DLGAP1: variants seen among roughly 807,000 people sequenced by gnomAD.
DLGAP1 encodes disks large-associated protein 1.
A neutral mutation model predicts 90.8 loss-of-function variants in DLGAP1; 11 were observed. The observed-to-expected ratio is 0.12, with a 90% confidence interval of 0.08 to 0.20. The LOEUF is 0.20. DLGAP1 is among the 10% of genes least tolerant of loss of function. DLGAP1 has a pLI of 1.00. For missense variants in DLGAP1, 1,050 were observed against 1,333.8 expected (o/e 0.79, Z 3.31); for synonymous variants, 558 against 540.7 (o/e 1.03, Z -0.44).
At chr18:4,014,850 C>T (rs1036262843) in intron 2 of DLGAP1, among the ~76,000 whole-genome samples, 1 of 152,172 alleles carries the variant, frequency 6.6e-6, no homozygotes, top group Non-Finnish European at 1.5e-5. Context: ...TGCAGAGGTT[C>T]TACCCCAACC....
rs534740351 is a variant in DLGAP1, at chr18:3,646,045, G to A, written c.1592-63797C>T. On this transcript the variant is annotated intron_variant, in intron 7 of 12. Transcript: ENST00000315677. ...CATTTGACGGTGGTAGTTTTCAAACGTCTTATTTTTAATGTGATGAGTATT... is the reference window on the plus strand; with the variant it reads ...CATTTGACGGTGGTAGTTTTCAAACATCTTATTTTTAATGTGATGAGTATT... 2.7e-4 allele frequency among the ~76,000 whole-genome samples: 41 copies of A among 152,194 alleles called. No individual in the cohort carries two copies. The South Asian group carries it at 7.5e-3, about 28-fold the overall frequency.
chr18:3,577,552 A>G (rs556437592), intron 8 of DLGAP1, among the ~76,000 whole-genome samples: 2 of 152,302 alleles, frequency 1.3e-5, no homozygotes, highest in South Asian at 4.1e-4. Flanking sequence ...CAGAAGACGC[A>G]TGGTAGTTAT....
intron 7 of DLGAP1, among the ~76,000 whole-genome samples, chr18:3,648,489 G>A (rs2059194668): frequency 6.6e-6 from 1 of 152,210 alleles, no homozygotes; most frequent in South Asian, 2.1e-4. Flanking sequence ...AGTGATTTCA[G>A]CAGTTGTCTA....
chr18:4,022,302 T>C lies in DLGAP1; in HGVS notation c.-158-17101A>G, dbSNP rs2074624471. 2.6e-5 allele frequency among the ~76,000 whole-genome samples: 4 copies of C among 151,056 alleles called. No homozygotes were observed. The South Asian group carries it at 8.3e-4, about 31-fold the overall frequency. ...TTTGGTTTTACTTTGTTCTCTATTA[T>C]CTTCTGTCTCTAATCTCACAGCCCC... On this transcript the variant is annotated intron_variant, in intron 2 of 12. Transcript: ENST00000315677.
At chr18:4,424,954 A>G (rs2083120268) in intron 1 of DLGAP1, among the ~76,000 whole-genome samples, 1 of 150,850 alleles carries the variant, frequency 6.6e-6, no homozygotes, top group Non-Finnish European at 1.5e-5. Context: ...CTAAAATATA[A>G]TTACTTCCAC....
In DLGAP1 at chr18:3,816,479, T is replaced by G. The variant is rs78484159; in HGVS notation, c.958-2206A>C. On this transcript the variant is annotated intron_variant, in intron 4 of 12. Transcript: ENST00000315677. The stretch of plus-strand genomic sequence containing the variant: ...AAGTTTAGATCTAAGAACTTCAGAT[T>G]GAAGAGATGCTACTATTCATGGTCT... Among the ~76,000 whole-genome samples the G allele has an allele frequency of 9.8e-5, 15 of 152,338 alleles. No homozygotes were observed. The East Asian group carries it at 2.9e-3, about 29-fold the overall frequency.
chr18:4,029,030 C>T (rs893728785), intron 2 of DLGAP1, among the ~76,000 whole-genome samples: 1 of 152,134 alleles, frequency 6.6e-6, no homozygotes, highest in African/African-American at 2.4e-5. Flanking sequence ...CTCACCTTCT[C>T]CATAGTAACC....
intron 3 of DLGAP1, chr18:3,892,114 AACACACACAC>A (rs3985698): frequency 0.084 from 11,056 of 132,266 alleles, 539 homozygotes; most frequent in African/African-American, 0.14. Flanking sequence ...TCACCTCTAA[AACACACACAC>A]ACACACACAC....
chr18:3,771,656 A>C (rs8084143), intron 5 of DLGAP1, among the ~76,000 whole-genome samples: 152,362 of 152,362 alleles, frequency 1, 76,181 homozygotes, highest in Non-Finnish European at 1. Context: ...TCCATGTTTG[A>C]CGTTGGTGAC....
intron 7 of DLGAP1, chr18:3,598,354 A>G (rs1005752195): frequency 6.6e-6 from 1 of 150,850 alleles, no homozygotes; most frequent in Non-Finnish European, 1.5e-5. Context: ...CTCCATCTCA[A>G]AAAAAAAAAT....
intron 7 of DLGAP1, among the ~76,000 whole-genome samples, chr18:3,687,488 C>CATG (rs982258946): frequency 1.3e-5 from 2 of 152,158 alleles, no homozygotes; most frequent in Non-Finnish European, 2.9e-5. Flanking sequence ...ACTTTATAAA[C>CATG]ATGATGATGA....
At chr18:3,804,264 C>G (rs2066463578) in intron 5 of DLGAP1, among the ~76,000 whole-genome samples, 1 of 152,130 alleles carries the variant, frequency 6.6e-6, no homozygotes, top group Non-Finnish European at 1.5e-5. Flanking sequence ...GGATTACAGG[C>G]ATGGGCCACC....
intron 2 of DLGAP1, among the ~76,000 whole-genome samples, chr18:4,042,612 C>A (rs564631749): frequency 3.9e-5 from 6 of 152,086 alleles, no homozygotes; most frequent in African/African-American, 1.2e-4. Flanking sequence ...GGGTGGCGTG[C>A]GCCTGTAGTC....
At chr18:4,254,235 C>T (rs1368792058) in intron 1 of DLGAP1, among the ~76,000 whole-genome samples, 1 of 152,122 alleles carries the variant, frequency 6.6e-6, no homozygotes, top group Non-Finnish European at 1.5e-5. Flanking sequence ...TACAGGTATC[C>T]TATTTTGTAT....
rs575540479 is a variant in DLGAP1, at chr18:4,064,410, G to T, written c.-158-59209C>A. Among the ~76,000 whole-genome samples the T allele has an allele frequency of 4.1e-5, 6 of 145,618 alleles. No homozygotes were observed. In the East Asian group the frequency reaches 1.2e-3, roughly 30 times the overall value. ...ATTCAAAAGATCAATGAATCCACGA[G>T]ATTTTTCTTGAAAAAATTAATACAA... On this transcript the variant is annotated intron_variant, in intron 2 of 12. Coordinates refer to ENST00000315677, the MANE Select transcript of DLGAP1 (RefSeq NM_004746.4).
At chr18:3,892,735 A>G (rs1440032529) in intron 3 of DLGAP1, among the ~76,000 whole-genome samples, 1 of 152,070 alleles carries the variant, frequency 6.6e-6, no homozygotes, top group Non-Finnish European at 1.5e-5. Flanking sequence ...GCAAGAGTTA[A>G]GGAGTGTGAA....
intron 3 of DLGAP1, among the ~76,000 whole-genome samples, chr18:3,977,301 A>C (rs1398936649): frequency 6.6e-6 from 1 of 152,090 alleles, no homozygotes; most frequent in Admixed American, 6.6e-5. Context: ...CGAACTCCTG[A>C]GCTCCAGTGA....
At chr18:4,320,625 A>G (rs1167572818) in intron 1 of DLGAP1, among the ~76,000 whole-genome samples, 1 of 152,062 alleles carries the variant, frequency 6.6e-6, no homozygotes, top group African/African-American at 2.4e-5. Context: ...AAAAGCTCTG[A>G]TTTTAATTCA....
Position 3,797,953 on chromosome 18 carries a change from T to C in DLGAP1, c.1172+16106A>G, listed in dbSNP as rs535880730. On this transcript the variant is annotated intron_variant, in intron 5 of 12. Coordinates refer to ENST00000315677, the MANE Select transcript of DLGAP1 (RefSeq NM_004746.4). ...CATTGTGAATAAGTCTCAAGAGATC[T>C]GATGGTTTTATAAGGGGAAACCCCT... is the stretch of plus-strand genomic sequence containing the variant. 2.0e-5 allele frequency among the ~76,000 whole-genome samples: 3 copies of C among 152,310 alleles called. No homozygotes were observed. The South Asian group carries it at 6.2e-4, about 32-fold the overall frequency.
Sources: gnomAD v4.1 joint callset for allele counts (sites outside exome capture counted in the v4.1 genomes callset) on GRCh38, gnomAD v4.1.1 for gene constraint, MANE v1.5 for transcripts, NCBI Gene and HGNC (gene_info 2026-07-23, HGNC 2026-07-21) for gene names.